Variants in SOX4 observed in about 807,000 individuals in gnomAD.
SOX4 encodes the protein transcription factor SOX-4.
For missense variants in SOX4, 662 were observed against 694.9 expected (o/e 0.95, Z 0.53); for synonymous variants, 465 against 348.4 (o/e 1.33, Z -3.73).
rs1274763858 is a variant in SOX4, at chr6:21,597,447, C to T, written c.*1488C>T. ...TGGCCAAACATATTTTTTCTTTTGTCCCTTTTTTTCTTTCCTTTCTTTTTA... is the reference window on the plus strand; with the variant it reads ...TGGCCAAACATATTTTTTCTTTTGTTCCTTTTTTTCTTTCCTTTCTTTTTA... On this transcript the variant is annotated 3_prime_UTR_variant, in exon 1 of 1. Coordinates refer to ENST00000244745, the MANE Select transcript of SOX4 (RefSeq NM_003107.3). 1.2e-5 allele frequency: 2 copies of T among 164,118 alleles called. No individual in the cohort carries two copies. The highest frequency in any genetic ancestry group is 2.4e-5 in the African/African-American group (1 of 41,010). The allele number at this position is 164,118 out of a possible 1,614,324, so 10.2% of individuals were successfully genotyped here.
chr6:21,595,961 G>A lies in SOX4; in HGVS notation c.*2G>A, dbSNP rs758667509. The A allele has an allele frequency of 2.0e-6, 3 of 1,529,600 alleles. No homozygotes were observed. The highest frequency in any genetic ancestry group is 2.1e-5 in the Admixed American group (1 of 48,362). The allele number at this position is 1,529,600 out of a possible 1,614,324, so 94.8% of individuals were successfully genotyped here. On this transcript the variant is annotated 3_prime_UTR_variant, in exon 1 of 1. Coordinates refer to ENST00000244745, the MANE Select transcript of SOX4 (RefSeq NM_003107.3). Reference sequence around the variant, plus strand: ...TCCAACCTGGTTTTCACCTACTGAAGGGCGCGCAGGCAGGGAGAAGGGCCG... The same window carrying A: ...TCCAACCTGGTTTTCACCTACTGAAAGGCGCGCAGGCAGGGAGAAGGGCCG...
rs1220782711 is a variant in SOX4 at position 21,596,031 on chromosome 6, A to G, written c.*72A>G. 1.4e-6 allele frequency: 2 copies of G among 1,436,320 alleles called. No individual in the cohort carries two copies. Among genetic ancestry groups the G allele is most frequent in the East Asian group, 2.6e-5 (1 of 37,986 alleles). The allele number at this position is 1,436,320 out of a possible 1,614,324, so 89.0% of individuals were successfully genotyped here. On this transcript the variant is annotated 3_prime_UTR_variant, in exon 1 of 1. Transcript: ENST00000244745. ...AAAAAAAAGTGAAAAAAAGAAACGA[A>G]AAGGACAGACGAAGAGTTTAAAGAG...
rs1438023851 is a variant in SOX4, at chr6:21,594,118, GGAAAAA to G, written c.-410_-405del. 6.4e-6 allele frequency: 1 copy of G among 157,108 alleles called. No individual in the cohort carries two copies. The highest frequency in any genetic ancestry group is 1.4e-5 in the Non-Finnish European group (1 of 73,692). 9.7% of individuals were successfully genotyped at this position (157,108 alleles called of 1,614,324 possible). On this transcript the variant is annotated 5_prime_UTR_variant, in exon 1 of 1. Transcript: ENST00000244745. ...CGTGAACTGGAATCAACTGCTTCAG[GGAAAAA>G]GAAAAAAAAAAAAAAAAGACTTGCC...
rs752611477 is a variant in SOX4, at chr6:21,594,984, G to A, written c.450G>A (p.Lys150=). Residue 150 remains lysine (K), a synonymous_variant, in exon 1 of 1, where the codon AAG becomes AAA. Coordinates refer to ENST00000244745, the MANE Select transcript of SOX4 (RefSeq NM_003107.3). ...GCTCCTCGGCCGCCGCCTCCTCCAA[G>A]CCGGGGGAGAAGGGAGACAAGGTCG... The part of the protein sequence containing the change: ...NSSSSAAASS[K]PGEKGDKVGG... 3 of 1,589,516 alleles carry A rather than the reference G, an allele frequency of 1.9e-6. No individual in the cohort carries two copies. Among genetic ancestry groups the A allele is most frequent in the Non-Finnish European group, 2.6e-6 (3 of 1,168,356 alleles).
chr6:21,596,003 A>T lies in SOX4; in HGVS notation c.*44A>T. The T allele has an allele frequency of 6.9e-7, 1 of 1,442,360 alleles. No individual in the cohort carries two copies. Among genetic ancestry groups the T allele is most frequent in the Non-Finnish European group, 9.1e-7 (1 of 1,096,512 alleles). 89.3% of individuals were successfully genotyped at this position (1,442,360 alleles called of 1,614,324 possible). A position where few individuals can be genotyped will look rare whatever the true frequency, so the allele number is the denominator to read the frequency against. On this transcript the variant is annotated 3_prime_UTR_variant, in exon 1 of 1. Coordinates refer to ENST00000244745, the MANE Select transcript of SOX4 (RefSeq NM_003107.3). ...GAAGGGCCGGGGGGGGTAGGAGAGG[A>T]GAAAAAAAAAGTGAAAAAAAGAAAC...
At position 21,598,225 on chromosome 6, in the gene SOX4, G is replaced by A. The variant is rs1452227689; in HGVS notation, c.*2266G>A. The A allele has an allele frequency of 6.0e-6, 1 of 166,948 alleles. No individual in the cohort carries two copies. Among genetic ancestry groups the A allele is most frequent in the Non-Finnish European group, 1.5e-5 (1 of 68,120 alleles). The allele number at this position is 166,948 out of a possible 1,614,324, so 10.3% of individuals were successfully genotyped here. The stretch of plus-strand genomic sequence containing the variant: ...GTTTTAGTCTTATGGCATGATGATA[G>A]CATATGTGTTCAGGTTTATAGCTGT... On this transcript the variant is annotated 3_prime_UTR_variant, in exon 1 of 1. Transcript: ENST00000244745.
chr6:21,596,252 G>T lies in SOX4; in HGVS notation c.*293G>T, dbSNP rs1167121412. On this transcript the variant is annotated 3_prime_UTR_variant, in exon 1 of 1. Transcript: ENST00000244745. ...GGGGCGACCTGTGATTGTTGTTATTGATGTTGTTGTTGATGGCAAAAAAAA... is the reference window on the plus strand; with the variant it reads ...GGGGCGACCTGTGATTGTTGTTATTTATGTTGTTGTTGATGGCAAAAAAAA... 4.8e-6 allele frequency: 1 copy of T among 207,638 alleles called. No individual in the cohort carries two copies. The allele number at this position is 207,638 out of a possible 1,614,324, so 12.9% of individuals were successfully genotyped here. A position where few individuals can be genotyped will look rare whatever the true frequency, so the allele number is the denominator to read the frequency against.
chr6:21,593,826 C>T lies in SOX4; in HGVS notation c.-709C>T, dbSNP rs1050191626. The T allele has an allele frequency of 9.2e-5, 14 of 152,174 alleles. No homozygotes were observed. The highest frequency in any genetic ancestry group is 1.5e-5 in the Non-Finnish European group (1 of 68,068). 9.4% of individuals were successfully genotyped at this position (152,174 alleles called of 1,614,324 possible). ...CGCTGTCGGGTCTCTAGTTCTTGCACGCTCTTTAAGAGTCTGCACTGGAGG... is the reference window on the plus strand; with the variant it reads ...CGCTGTCGGGTCTCTAGTTCTTGCATGCTCTTTAAGAGTCTGCACTGGAGG... On this transcript the variant is annotated 5_prime_UTR_variant, in exon 1 of 1. In the 5' UTR this introduces an upstream ATG that the reference lacks. Transcript: ENST00000244745.
Position 21,595,194 on chromosome 6 carries a change from G to A in SOX4, c.660G>A (p.Leu220=). ...GCAAACCGCACGCCAAGCTCATCCT[G>A]GCAGGCGGCGGCGGCGGCGGGAAAG... is the stretch of plus-strand genomic sequence containing the variant. The part of the protein sequence containing the change: ...GVSKPHAKLI[L]AGGGGGGKAA... The change falls in exon 1 of 1, where the codon CTG becomes CTA. Residue 220 remains leucine (L), a synonymous_variant. Transcript: ENST00000244745. 3.2e-6 allele frequency: 4 copies of A among 1,247,050 alleles called. 1 individual carries two copies. Among genetic ancestry groups the A allele is most frequent in the South Asian group, 7.6e-5 (2 of 26,354 alleles). 77.2% of individuals were successfully genotyped at this position (1,247,050 alleles called of 1,614,324 possible).
chr6:21,594,520 C>T lies in SOX4; in HGVS notation c.-15C>T, dbSNP rs761258094. ...GAGGGTGTGAGCGCGCGTGGGCGCCCGCCGAGCCGAGGCCATGGTGCAGCA... is the reference window on the plus strand; with the variant it reads ...GAGGGTGTGAGCGCGCGTGGGCGCCTGCCGAGCCGAGGCCATGGTGCAGCA... On this transcript the variant is annotated 5_prime_UTR_variant, in exon 1 of 1. Transcript: ENST00000244745. 4 of 1,494,340 alleles carry T rather than the reference C, an allele frequency of 2.7e-6. No individual in the cohort carries two copies. Among genetic ancestry groups the T allele is most frequent in the South Asian group, 2.7e-5 (2 of 74,516 alleles). 92.6% of individuals were successfully genotyped at this position (1,494,340 alleles called of 1,614,324 possible).
At position 21,595,685 on chromosome 6, in the gene SOX4, C is replaced by G. The variant is rs763234364; in HGVS notation, c.1151C>G (p.Ser384Cys). The G allele has an allele frequency of 8.2e-6, 13 of 1,583,052 alleles. No individual in the cohort carries two copies. The highest frequency in any genetic ancestry group is 5.8e-5 in the South Asian group (5 of 86,868). ...TCGCACGCGTCCTCCTCGGCCTCGTCCCACTCCTCCTCTTCCTCCTCCTCG... is the reference window on the plus strand; with the variant it reads ...TCGCACGCGTCCTCCTCGGCCTCGTGCCACTCCTCCTCTTCCTCCTCCTCG... ...APSHASSSAS[S>C]HSSSSSSSGS... is the part of the protein sequence containing the mutation. Residue 384 changes from serine to cysteine, a missense_variant, in exon 1 of 1, where the codon TCC becomes TGC. Coordinates refer to ENST00000244745, the MANE Select transcript of SOX4 (RefSeq NM_003107.3).
rs1763183674 is a variant in SOX4 at position 21,597,051 on chromosome 6, A to G, written c.*1092A>G. The G allele has an allele frequency of 6.0e-6, 1 of 166,890 alleles. No homozygotes were observed. The highest frequency in any genetic ancestry group is 2.4e-5 in the African/African-American group (1 of 41,434). 10.3% of individuals were successfully genotyped at this position (166,890 alleles called of 1,614,324 possible). On this transcript the variant is annotated 3_prime_UTR_variant, in exon 1 of 1. Transcript: ENST00000244745. Reference sequence around the variant, plus strand: ...ATCGTGATGGTGTTGGATTATTTCAATGGTGGGGTTAATATAGCATGTTAT... The same window carrying G: ...ATCGTGATGGTGTTGGATTATTTCAGTGGTGGGGTTAATATAGCATGTTAT...
At position 21,596,035 on chromosome 6, in the gene SOX4, G is replaced by T; in HGVS notation, c.*76G>T. ...AAAAGTGAAAAAAAGAAACGAAAAG[G>T]ACAGACGAAGAGTTTAAAGAGAAAA... is the stretch of plus-strand genomic sequence containing the variant. On this transcript the variant is annotated 3_prime_UTR_variant, in exon 1 of 1. Transcript: ENST00000244745. The T allele has an allele frequency of 7.0e-7, 1 of 1,429,736 alleles. No individual in the cohort carries two copies. Among genetic ancestry groups the T allele is most frequent in the Non-Finnish European group, 9.2e-7 (1 of 1,091,174 alleles). 88.6% of individuals were successfully genotyped at this position (1,429,736 alleles called of 1,614,324 possible). A position where few individuals can be genotyped will look rare whatever the true frequency, so the allele number is the denominator to read the frequency against.
At position 21,596,013 on chromosome 6, in the gene SOX4, A is replaced by G. The variant is rs1397482308; in HGVS notation, c.*54A>G. 3 of 1,440,640 alleles carry G rather than the reference A, an allele frequency of 2.1e-6. No individual in the cohort carries two copies. The East Asian group carries it at 7.9e-5, about 38-fold the overall frequency. The allele number at this position is 1,440,640 out of a possible 1,614,324, so 89.2% of individuals were successfully genotyped here. ...GGGGGGTAGGAGAGGAGAAAAAAAAAGTGAAAAAAAGAAACGAAAAGGACA... is the reference window on the plus strand; with the variant it reads ...GGGGGGTAGGAGAGGAGAAAAAAAAGGTGAAAAAAAGAAACGAAAAGGACA... On this transcript the variant is annotated 3_prime_UTR_variant, in exon 1 of 1. Coordinates refer to ENST00000244745, the MANE Select transcript of SOX4 (RefSeq NM_003107.3).
At position 21,594,989 on chromosome 6, in the gene SOX4, G is replaced by C; in HGVS notation, c.455G>C (p.Gly152Ala). 6.3e-7 allele frequency: 1 copy of C among 1,577,866 alleles called. No homozygotes were observed. Among genetic ancestry groups the C allele is most frequent in the Non-Finnish European group, 8.6e-7 (1 of 1,162,522 alleles). ...TCGGCCGCCGCCTCCTCCAAGCCGG[G>C]GGAGAAGGGAGACAAGGTCGGTGGC... ...SSSAAASSKP[G>A]EKGDKVGGSG... The change falls in exon 1 of 1, where the codon GGG becomes GCG. Residue 152 changes from glycine to alanine, a missense_variant. Physicochemically the swap from Gly to Ala is moderately conservative, Grantham distance 60. Coordinates refer to ENST00000244745, the MANE Select transcript of SOX4 (RefSeq NM_003107.3).
chr6:21,594,551 A>G lies in SOX4; in HGVS notation c.17A>G (p.Asn6Ser), dbSNP rs1194105330. Residue 6 changes from asparagine to serine, a missense_variant, in exon 1 of 1, where the codon AAC (asparagine) becomes AGC (serine). Physicochemically the swap from Asn to Ser is conservative, Grantham distance 46 (BLOSUM62 1). Transcript: ENST00000244745. ...GCCGAGGCCATGGTGCAGCAAACCA[A>G]CAATGCCGAGAACACGGAAGCGCTG... is the stretch of plus-strand genomic sequence containing the variant. MVQQT[N>S]NAENTEALLA... 1.9e-6 allele frequency: 3 copies of G among 1,603,386 alleles called. No homozygotes were observed. The highest frequency in any genetic ancestry group is 2.2e-5 in the South Asian group (2 of 90,140).
Position 21,594,407 on chromosome 6 carries a change from C to A in SOX4, c.-128C>A. 1.6e-6 allele frequency: 2 copies of A among 1,233,016 alleles called. No individual in the cohort carries two copies. Among genetic ancestry groups the A allele is most frequent in the Non-Finnish European group, 2.1e-6 (2 of 968,638 alleles). 76.4% of individuals were successfully genotyped at this position (1,233,016 alleles called of 1,614,324 possible). A position where few individuals can be genotyped will look rare whatever the true frequency, so the allele number is the denominator to read the frequency against. ...CCGCCCCTGCGAGGAGTTGAGGGGC[C>A]AGTTCGGCCGCCGCGCGCGTCTTCC... On this transcript the variant is annotated 5_prime_UTR_variant, in exon 1 of 1. Coordinates refer to ENST00000244745, the MANE Select transcript of SOX4 (RefSeq NM_003107.3).
In SOX4 at chr6:21,597,135, A is replaced by AG. The variant is rs1763185325; in HGVS notation, c.*1178dup. 1.2e-5 allele frequency: 2 copies of AG among 166,462 alleles called. No homozygotes were observed. Among genetic ancestry groups the AG allele is most frequent in the South Asian group, 4.1e-4 (2 of 4,830 alleles). The allele number at this position is 166,462 out of a possible 1,614,324, so 10.3% of individuals were successfully genotyped here. On this transcript the variant is annotated 3_prime_UTR_variant, in exon 1 of 1. Coordinates refer to ENST00000244745, the MANE Select transcript of SOX4 (RefSeq NM_003107.3). The stretch of plus-strand genomic sequence containing the variant: ...TGTTGAGCAGTTTTTAAAATAGTGT[A>AG]GGATAATATAAAAAGCAGATAGATG...
rs1206054448 is a variant in SOX4, at chr6:21,594,603, C to T, written c.69C>T (p.Gly23=). 1 of 1,608,434 alleles carries T rather than the reference C, an allele frequency of 6.2e-7. No individual in the cohort carries two copies. The highest frequency in any genetic ancestry group is 8.5e-7 in the Non-Finnish European group (1 of 1,178,468). Residue 23 remains glycine, a synonymous_variant, in exon 1 of 1, where the codon GGC becomes GGT. Coordinates refer to ENST00000244745, the MANE Select transcript of SOX4 (RefSeq NM_003107.3). ...ALLAGESSDS[G]AGLELGIASS... is the part of the protein sequence containing the mutation. The stretch of plus-strand genomic sequence containing the variant: ...TGGCCGGCGAGAGCTCGGACTCGGG[C>T]GCCGGCCTCGAGCTGGGAATCGCCT...
Sources: gnomAD v4.1 joint callset for allele counts on GRCh38, gnomAD v4.1.1 for gene constraint, MANE v1.5 for transcripts, NCBI Gene and HGNC (gene_info 2026-07-23, HGNC 2026-07-21) for gene names.